MCF2L2: variants seen among roughly 807,000 people sequenced by gnomAD.
MCF2L2 encodes probable guanine nucleotide exchange factor MCF2L2.
Under a neutral mutation model 150.2 loss-of-function variants are expected in MCF2L2, and 102 were observed. That is an observed-to-expected ratio of 0.68 (90% CI 0.58 to 0.80). The LOEUF (loss-of-function observed/expected upper bound fraction) is 0.80, where lower values mean the gene tolerates loss of function less well. Ranked by LOEUF, MCF2L2 falls within the 30% of genes least tolerant of loss-of-function variation. MCF2L2 has a pLI of 0.00. For synonymous variants in MCF2L2, 465 were observed against 491.3 expected (o/e 0.95, Z 0.71); for missense variants, 1,256 against 1,372.8 (o/e 0.91, Z 1.34).
At chr3:183,356,217 T>TAA (rs202092489) in intron 3 of MCF2L2, among the ~76,000 whole-genome samples, 112 of 138,366 alleles carry the variant, frequency 8.1e-4, no homozygotes, top group African/African-American at 2.7e-3. Context: ...CTCTTTATTA[T>TAA]AAAAAAAAAA....
At chr3:183,386,565 C>T (rs1269010035) in intron 2 of MCF2L2, among the ~76,000 whole-genome samples, 1 of 152,222 alleles carries the variant, frequency 6.6e-6, no homozygotes, top group Admixed American at 6.5e-5. Context: ...TCCTTCACAG[C>T]CTTCCCGGTT....
rs776592331 is a variant in MCF2L2 at position 183,325,262 on chromosome 3, T to TATA, written c.487-1914_487-1912dup. Reference sequence around the variant, plus strand: ...TGCACATGTACCCTAGAACTTAAAGTATAATAATAATAAAAGAAAAAAAAG... The same window carrying TATA: ...TGCACATGTACCCTAGAACTTAAAGTATAATAATAATAATAAAAGAAAAAAAAG... On this transcript the variant is annotated intron_variant, in intron 5 of 29. Coordinates refer to ENST00000328913, the MANE Select transcript of MCF2L2 (RefSeq NM_015078.4). 2.8e-4 allele frequency among the ~76,000 whole-genome samples: 43 copies of TATA among 151,342 alleles called. 1 individual carries two copies. The highest frequency in any genetic ancestry group is 1.3e-4 in the Non-Finnish European group (9 of 67,832).
intron 1 of MCF2L2, among the ~76,000 whole-genome samples, chr3:183,427,620 G>A (rs1047331426): frequency 1.3e-5 from 2 of 150,450 alleles, no homozygotes; most frequent in African/African-American, 4.9e-5. Context: ...GCTAACGGAT[G>A]GTAACAGCCC....
At chr3:183,411,112 T>C (rs1715295635) in intron 1 of MCF2L2, among the ~76,000 whole-genome samples, 1 of 152,224 alleles carries the variant, frequency 6.6e-6, no homozygotes, top group Non-Finnish European at 1.5e-5. Context: ...ATCCTGGTCC[T>C]GCCACTTACC....
chr3:183,329,712 C>A (rs1730190424), intron 5 of MCF2L2, among the ~76,000 whole-genome samples: 1 of 152,248 alleles, frequency 6.6e-6, no homozygotes, highest in Non-Finnish European at 1.5e-5. Flanking sequence ...AGTCATGTGT[C>A]ACTTAATGAC....
intron 1 of MCF2L2, among the ~76,000 whole-genome samples, chr3:183,398,149 A>C (rs1212998060): frequency 6.6e-6 from 1 of 152,236 alleles, no homozygotes; most frequent in Admixed American, 6.5e-5. Context: ...TTTACCACTG[A>C]AAGGCAGTTG....
At chr3:183,261,146 A>G (rs965033952) in intron 15 of MCF2L2, among the ~76,000 whole-genome samples, 2 of 152,232 alleles carry the variant, frequency 1.3e-5, no homozygotes, top group Non-Finnish European at 2.9e-5. Context: ...ACCAAATAGT[A>G]ACTAGTTATA....
chr3:183,379,283 T>C lies in MCF2L2; in HGVS notation c.275+14A>G. The C allele has an allele frequency of 6.3e-7, 1 of 1,586,114 alleles. No homozygotes were observed. Among genetic ancestry groups the C allele is most frequent in the Non-Finnish European group, 8.6e-7 (1 of 1,163,822 alleles). On this transcript the variant is annotated intron_variant, in intron 3 of 29. Transcript: ENST00000328913. The stretch of plus-strand genomic sequence containing the variant: ...GCCAGTGCCTAAGGCGGCAGGACAC[T>C]GTGCTCAGCTCACCTGGGGATGCTA...
rs996794544 is a variant in MCF2L2, at chr3:183,343,958, C to T, written c.276-2328G>A. ...GGCCAAGGCAGGAGGATCGCTTGGG[C>T]TCAGGAGTTCAAGGCCGGCCTGAGC... On this transcript the variant is annotated intron_variant, in intron 3 of 29. Coordinates refer to ENST00000328913, the MANE Select transcript of MCF2L2 (RefSeq NM_015078.4). Among the ~76,000 whole-genome samples, 5 of 152,092 alleles carry T rather than the reference C, an allele frequency of 3.3e-5. No homozygotes were observed. In the East Asian group the frequency reaches 5.8e-4, roughly 18 times the overall value.
intron 27 of MCF2L2, chr3:183,180,455 T>C: frequency 2.6e-6 from 1 of 379,112 alleles, no homozygotes; most frequent in Non-Finnish European, 4.7e-6. Flanking sequence ...GCCAGTCTTC[T>C]AACCACGCCT....
intron 15 of MCF2L2, among the ~76,000 whole-genome samples, chr3:183,241,287 G>A (rs1234138041): frequency 1.3e-5 from 2 of 152,214 alleles, no homozygotes; most frequent in East Asian, 3.8e-4. Flanking sequence ...GAACAGTGTG[G>A]AGGAGGAAAG....
chr3:183,211,765 T>G (rs1026744843), intron 22 of MCF2L2, among the ~76,000 whole-genome samples: 2 of 152,236 alleles, frequency 1.3e-5, no homozygotes, highest in Non-Finnish European at 2.9e-5. Flanking sequence ...TATTTATTTA[T>G]TGGCATTTAG....
Position 183,270,368 on chromosome 3 carries a change from G to A in MCF2L2, c.1862+6504C>T, listed in dbSNP as rs1157128561. 1.9e-6 allele frequency: 3 copies of A among 1,614,054 alleles called. No individual in the cohort carries two copies. The Admixed American group carries it at 5.0e-5, about 27-fold the overall frequency. On this transcript the variant is annotated intron_variant, in intron 15 of 29. Coordinates refer to ENST00000328913, the MANE Select transcript of MCF2L2 (RefSeq NM_015078.4). The surrounding 1 kb of genome is among the most constrained non-coding windows in gnomAD (Gnocchi z 4.5). ...ATTGTCCACATGCCAAATTTCTTATGACTGCTGATGATGACATATTTATTC... is the reference window on the plus strand; with the variant it reads ...ATTGTCCACATGCCAAATTTCTTATAACTGCTGATGATGACATATTTATTC...
chr3:183,272,047 A>C, intron 15 of MCF2L2: 1 of 575,764 alleles, frequency 1.7e-6, no homozygotes, highest in Non-Finnish European at 2.3e-6. Flanking sequence ...ATTTTTCATC[A>C]ATAACTGTCA....
intron 3 of MCF2L2, chr3:183,378,077 T>A (rs1713293118): frequency 6.6e-6 from 1 of 152,156 alleles, no homozygotes; most frequent in Admixed American, 6.5e-5. Context: ...GTGGGTTTGG[T>A]TAAAGCAATC....
chr3:183,312,827 C>T (rs1352009160), intron 7 of MCF2L2, among the ~76,000 whole-genome samples: 3 of 152,192 alleles, frequency 2.0e-5, no homozygotes, highest in Admixed American at 2.0e-4. Flanking sequence ...CATTGCCATA[C>T]CCATCCTCAA....
intron 22 of MCF2L2, among the ~76,000 whole-genome samples, chr3:183,214,416 T>C (rs1485123133): frequency 6.6e-6 from 1 of 152,146 alleles, no homozygotes; most frequent in Non-Finnish European, 1.5e-5. Context: ...AACAGCATCA[T>C]GGCTGGGATC....
intron 12 of MCF2L2, chr3:183,296,386 C>T (rs183181492): frequency 3.5e-4 from 54 of 153,378 alleles, no homozygotes; most frequent in Non-Finnish European, 6.3e-4. Context: ...CTCTAGGTTC[C>T]AGCACCCTGA....
intron 6 of MCF2L2, among the ~76,000 whole-genome samples, chr3:183,322,855 T>C (rs2108520437): frequency 6.6e-6 from 1 of 152,230 alleles, no homozygotes; most frequent in African/African-American, 2.4e-5. Flanking sequence ...TTCATGGGTG[T>C]CAATATGTAT....
Sources: allele counts gnomAD v4.1 joint callset (sites outside exome capture counted in the v4.1 genomes callset), GRCh38; gene constraint gnomAD v4.1.1; non-coding constraint Gnocchi (gnomAD v3.1); transcripts MANE v1.5; gene names NCBI Gene and HGNC (gene_info 2026-07-23, HGNC 2026-07-21).